Variants in GLCE observed in about 807,000 individuals in gnomAD.
GLCE encodes the protein glucuronic acid epimerase, also known as D-glucuronyl C5-epimerase.
GLCE carries 19 observed loss-of-function variants against 47.9 expected under a neutral mutation model. That is an observed-to-expected ratio of 0.40 (90% CI 0.28 to 0.58). GLCE has a LOEUF of 0.58. Ranked by LOEUF, GLCE falls within the 20% of genes least tolerant of loss-of-function variation. The pLI, the probability that GLCE is intolerant of heterozygous loss-of-function variation, is 0.48. For synonymous variants in GLCE, 245 were observed against 263.4 expected (o/e 0.93, Z 0.68); for missense variants, 556 against 743.3 (o/e 0.75, Z 2.93).
Position 69,269,432 on chromosome 15 carries a change from G to A in GLCE, c.*188G>A, listed in dbSNP as rs2053134441. 1 of 589,538 alleles carries A rather than the reference G, an allele frequency of 1.7e-6. No homozygotes were observed. The highest frequency in any genetic ancestry group is 1.9e-5 in the African/African-American group (1 of 53,760). The allele number at this position is 589,538 out of a possible 1,614,324, so 36.5% of individuals were successfully genotyped here. On this transcript the variant is annotated 3_prime_UTR_variant, in exon 5 of 5. Transcript: ENST00000261858. Reference sequence around the variant, plus strand: ...TTCCATGGGTTGGGTATTTAGAAATGTAGGTGGCATTTAGAACACAATGTT... The same window carrying A: ...TTCCATGGGTTGGGTATTTAGAAATATAGGTGGCATTTAGAACACAATGTT...
At position 69,254,646 on chromosome 15, in the gene GLCE, A is replaced by AT. The variant is rs2052896141; in HGVS notation, c.-13-1147dup. 2.0e-5 allele frequency among the ~76,000 whole-genome samples: 3 copies of AT among 152,174 alleles called. No individual in the cohort carries two copies. In the South Asian group the frequency reaches 6.2e-4, roughly 32 times the overall value. On this transcript the variant is annotated intron_variant, in intron 2 of 4. Coordinates refer to ENST00000261858, the MANE Select transcript of GLCE (RefSeq NM_015554.3). ...TCCTGACTTATGGGATATTGAGTGA[A>AT]TAAGAAAGGGTCAAGATTTTTAGTC...
intron 2 of GLCE, among the ~76,000 whole-genome samples, chr15:69,210,712 A>G (rs927914614): frequency 5.3e-5 from 8 of 152,170 alleles, no homozygotes; most frequent in African/African-American, 1.9e-4. Context: ...TGGAAGTGTT[A>G]TAGACTGATA....
intron 1 of GLCE, among the ~76,000 whole-genome samples, chr15:69,161,635 G>C (rs2051423334): frequency 2.0e-5 from 3 of 152,198 alleles, no homozygotes; most frequent in African/African-American, 2.4e-5. Context: ...TTTTTGTTCA[G>C]GTCTCCTTCT....
rs533814767 is a variant in GLCE, at chr15:69,248,192, G to A, written c.-13-7602G>A. Among the ~76,000 whole-genome samples the A allele has an allele frequency of 6.0e-4, 92 of 152,230 alleles. 2 individuals are homozygous for A. In the South Asian group the frequency reaches 6.4e-3, roughly 11 times the overall value. On this transcript the variant is annotated intron_variant, in intron 2 of 4. Coordinates refer to ENST00000261858, the MANE Select transcript of GLCE (RefSeq NM_015554.3). ...GAGAATTCTACTTGTTTATATTACT[G>A]GAAGGATCCTAACAACCAAAAATAT...
chr15:69,178,621 A>G (rs180799999), intron 1 of GLCE, among the ~76,000 whole-genome samples: 12 of 152,152 alleles, frequency 7.9e-5, no homozygotes, highest in African/African-American at 2.4e-4. Context: ...ACAGGAGAAC[A>G]TTTTTTGATT....
chr15:69,182,298 T>TGTGAGA (rs1446237319), intron 1 of GLCE, among the ~76,000 whole-genome samples: 4 of 145,720 alleles, frequency 2.7e-5, no homozygotes, highest in African/African-American at 7.6e-5. Context: ...TGTGTGTGTG[T>TGTGAGA]GAGAGAGAGA....
At chr15:69,191,512 C>T (rs2051913391) in intron 1 of GLCE, among the ~76,000 whole-genome samples, 1 of 152,112 alleles carries the variant, frequency 6.6e-6, no homozygotes, top group Non-Finnish European at 1.5e-5. Context: ...TGGAATCATG[C>T]AGGATACATT....
intron 2 of GLCE, among the ~76,000 whole-genome samples, chr15:69,233,882 G>C (rs1277365945): frequency 6.6e-6 from 1 of 151,936 alleles, no homozygotes; most frequent in African/African-American, 2.4e-5. Flanking sequence ...CAGTGTGTAG[G>C]CTACACAGTA....
At chr15:69,220,716 T>C (rs1031613887) in intron 2 of GLCE, among the ~76,000 whole-genome samples, 2 of 152,208 alleles carry the variant, frequency 1.3e-5, no homozygotes, top group African/African-American at 2.4e-5. Flanking sequence ...AAATATTAGC[T>C]CCTATTCTGT....
intron 4 of GLCE, among the ~76,000 whole-genome samples, chr15:69,262,002 T>C (rs2053022335): frequency 6.6e-6 from 1 of 152,230 alleles, no homozygotes; most frequent in African/African-American, 2.4e-5. Flanking sequence ...GAAATAATTT[T>C]AGTTAGCACC....
chr15:69,216,597 T>C (rs1169142244), intron 2 of GLCE, among the ~76,000 whole-genome samples: 1 of 152,086 alleles, frequency 6.6e-6, no homozygotes, highest in Admixed American at 6.5e-5. Flanking sequence ...TTAGAATATG[T>C]GCGGGGATGC....
At chr15:69,229,421 G>T (rs1448411080) in intron 2 of GLCE, among the ~76,000 whole-genome samples, 1 of 152,150 alleles carries the variant, frequency 6.6e-6, no homozygotes, top group Admixed American at 6.5e-5. Flanking sequence ...GTTTGAGTTT[G>T]GGTTCAGAGA....
At chr15:69,252,081 C>G (rs1011200561) in intron 2 of GLCE, among the ~76,000 whole-genome samples, 3 of 152,236 alleles carry the variant, frequency 2.0e-5, no homozygotes, top group African/African-American at 7.2e-5. Context: ...TTAAGAAGCC[C>G]TGATTGTCTT....
intron 1 of GLCE, among the ~76,000 whole-genome samples, chr15:69,169,022 G>A (rs1173220702): frequency 2.0e-5 from 3 of 152,074 alleles, no homozygotes; most frequent in Admixed American, 6.5e-5. Flanking sequence ...ATTGCTTAAC[G>A]AAAGTTACCA....
Position 69,245,258 on chromosome 15 carries a change from C to T in GLCE, c.-13-10536C>T, listed in dbSNP as rs192686436. Among the ~76,000 whole-genome samples, 351 of 148,630 alleles carry T rather than the reference C, an allele frequency of 2.4e-3. 1 individual carries two copies. The highest frequency in any genetic ancestry group is 4.9e-3 in the Admixed American group (72 of 14,608). On this transcript the variant is annotated intron_variant, in intron 2 of 4. Transcript: ENST00000261858. The stretch of plus-strand genomic sequence containing the variant: ...TGAGGCACAAGAATCGCTTGAACCC[C>T]GGAGTTAGAGGTTTCAGTGAGCCGA...
At chr15:69,176,326 C>T (rs544364255) in intron 1 of GLCE, among the ~76,000 whole-genome samples, 16 of 142,352 alleles carry the variant, frequency 1.1e-4, no homozygotes, top group East Asian at 4.4e-4. Context: ...TGGGTTCAAG[C>T]GCTTCTCCTG....
In GLCE at chr15:69,270,872, TG is replaced by T. The variant is rs886856555; in HGVS notation, c.*1629del. The T allele has an allele frequency of 3.3e-5, 5 of 152,200 alleles. No individual in the cohort carries two copies. Among genetic ancestry groups the T allele is most frequent in the African/African-American group, 1.2e-4 (5 of 41,448 alleles). The allele number at this position is 152,200 out of a possible 1,614,324, so 9.4% of individuals were successfully genotyped here. A position where few individuals can be genotyped will look rare whatever the true frequency, so the allele number is the denominator to read the frequency against. On this transcript the variant is annotated 3_prime_UTR_variant, in exon 5 of 5. Coordinates refer to ENST00000261858, the MANE Select transcript of GLCE (RefSeq NM_015554.3). ...TTTGTTCACAGTAAAAACACTTTTT[TG>T]AGTTATTAGGCTTACCCCTAGCTTT...
chr15:69,196,118 T>C (rs1485318021), intron 1 of GLCE, among the ~76,000 whole-genome samples: 1 of 152,094 alleles, frequency 6.6e-6, no homozygotes, highest in East Asian at 1.9e-4. Context: ...TCTGTACAGA[T>C]ATCTCAGGGA....
chr15:69,169,264 G>A (rs1054576884), intron 1 of GLCE, among the ~76,000 whole-genome samples: 1 of 152,056 alleles, frequency 6.6e-6, no homozygotes, highest in Admixed American at 6.6e-5. Flanking sequence ...CCAGTGTTTA[G>A]TTCTTAGAAA....
Sources: gnomAD v4.1 joint callset for allele counts (sites outside exome capture counted in the v4.1 genomes callset) on GRCh38, gnomAD v4.1.1 for gene constraint, MANE v1.5 for transcripts, NCBI Gene and HGNC (gene_info 2026-07-23, HGNC 2026-07-21) for gene names.